The following CREBBP variants were observed in gnomAD, a reference collection of about 807,000 sequenced individuals.
CREBBP encodes CREB-binding protein.
CREBBP carries 19 observed loss-of-function variants against 265.0 expected under a neutral mutation model. The ratio of observed to expected loss-of-function variants is 0.07; its 90% CI spans 0.05 to 0.11. The LOEUF (loss-of-function observed/expected upper bound fraction) is 0.11. CREBBP is among the 10% of genes least tolerant of loss of function. The pLI, the probability that CREBBP is intolerant of heterozygous loss-of-function variation, is 1.00. For synonymous variants in CREBBP, 1,457 were observed against 1,223.7 expected, an observed-to-expected ratio of 1.19 and a Z score of -3.98; for missense variants, 2,525 against 3,219.0, an observed-to-expected ratio of 0.78 and a Z score of 5.22.
At chr16:3,849,439 GTGTGTGTGTGTGTGTGTGTGTGT>G (rs2054761447) in intron 2 of CREBBP, among the ~76,000 whole-genome samples, 1 of 17,240 alleles carries the variant, frequency 5.8e-5, no homozygotes. Context: ...GTGTGTGTGT[GTGTGTGTGTGTGTGTGTGTGTGT>G]GTGTGTGTGT....
chr16:3,827,414 C>T (rs2054258309), intron 2 of CREBBP, among the ~76,000 whole-genome samples: 1 of 152,116 alleles, frequency 6.6e-6, no homozygotes. Context: ...TTGACTGAGA[C>T]AGAGTCTCAC....
chr16:3,776,972 C>G (rs966754387), intron 11 of CREBBP, among the ~76,000 whole-genome samples: 48 of 134,606 alleles, frequency 3.6e-4, no homozygotes, highest in Middle Eastern at 0.011. Context: ...GAGCCCAGAT[C>G]GTGCCACTGC....
At chr16:3,870,168 TAGG>T (rs568145129) in intron 1 of CREBBP, among the ~76,000 whole-genome samples, 100 of 152,100 alleles carry the variant, frequency 6.6e-4, no homozygotes, top group Admixed American at 1.3e-4. Flanking sequence ...ACACCAAATC[TAGG>T]AGAACAGAAA....
Position 3,729,764 on chromosome 16 carries a change from T to C in CREBBP, c.5283A>G (p.Ser1761=), listed in dbSNP as rs976030153. 2 of 1,608,274 alleles carry C rather than the reference T, an allele frequency of 1.2e-6. No individual in the cohort carries two copies. The highest frequency in any genetic ancestry group is 8.5e-7 in the Non-Finnish European group (1 of 1,179,590). Residue 1761 remains serine (S), a synonymous_variant, in exon 31 of 31, where the codon TCA becomes TCG. Transcript: ENST00000262367. ...DEGSSQGEPQ[S]KSPQESRRLS... ...GCCGGCGTGACTCCTGGGGGCTCTT[T>C]GACTGTGGCTCGCCCTGGCTGCTGC... is the stretch of plus-strand genomic sequence containing the variant.
At chr16:3,818,188 G>A (rs1056373266) in intron 2 of CREBBP, among the ~76,000 whole-genome samples, 7 of 152,206 alleles carry the variant, frequency 4.6e-5, no homozygotes, top group African/African-American at 7.2e-5. Context: ...ATGGGGGGCC[G>A]GGGAGGAGGA....
chr16:3,808,119 G>T (rs1423939688), intron 3 of CREBBP, among the ~76,000 whole-genome samples: 2 of 150,760 alleles, frequency 1.3e-5, no homozygotes, highest in South Asian at 4.2e-4. Flanking sequence ...AGAAAGAGAG[G>T]GGGTGGGGAG....
At chr16:3,826,057 A>G (rs1441872383) in intron 2 of CREBBP, among the ~76,000 whole-genome samples, 1 of 152,190 alleles carries the variant, frequency 6.6e-6, no homozygotes, top group African/African-American at 2.4e-5. Flanking sequence ...CTCCATCTCT[A>G]CAAAAAACAG....
intron 27 of CREBBP, 128 bp downstream of exon 27, chr16:3,736,522 T>C: frequency 7.1e-7 from 1 of 1,402,574 alleles, no homozygotes; most frequent in African/African-American, 1.4e-5. Context: ...CTTTAGGCTT[T>C]TATTTTTCTG....
At chr16:3,788,103 A>G (rs1043864464) in intron 5 of CREBBP, among the ~76,000 whole-genome samples, 8 of 152,216 alleles carry the variant, frequency 5.3e-5, no homozygotes, top group Admixed American at 2.0e-4. Flanking sequence ...CAGCCGGGAC[A>G]GTGCGTGCAT....
chr16:3,778,846 C>CT lies in CREBBP; in HGVS notation c.1824-30dup, dbSNP rs370078227. The CT allele has an allele frequency of 5.6e-3, 8,204 of 1,469,210 alleles. 2 individuals carry two copies. Among genetic ancestry groups the CT allele is most frequent in the African/African-American group, 9.8e-3 (700 of 71,350 alleles). The allele number at this position is 1,469,210 out of a possible 1,614,324, so 91.0% of individuals were successfully genotyped here. ...AAAGGATAACACATCTATCAAACTA[C>CT]TTTTTTTTTTCTTCTTTTTTTTAAA... On this transcript the variant is annotated intron_variant, in intron 8 of 30. Coordinates refer to ENST00000262367, the MANE Select transcript of CREBBP (RefSeq NM_004380.3).
chr16:3,735,719 C>A (rs1412359969), intron 28 of CREBBP, among the ~76,000 whole-genome samples: 1 of 152,176 alleles, frequency 6.6e-6, no homozygotes, highest in Admixed American at 6.5e-5. Flanking sequence ...TAAGGCCTGG[C>A]AACCCTGTGC....
At chr16:3,746,164 G>A (rs1230952903) in intron 21 of CREBBP, among the ~76,000 whole-genome samples, 1 of 152,202 alleles carries the variant, frequency 6.6e-6, no homozygotes, top group African/African-American at 2.4e-5. Context: ...AGGGACTGGT[G>A]AGTAATGTGA....
intron 17 of CREBBP, 125 bp from the exon 18 acceptor site, chr16:3,758,173 G>T: frequency 1.0e-6 from 1 of 973,808 alleles, no homozygotes; most frequent in Non-Finnish European, 1.5e-6. Flanking sequence ...ATTCCCAACA[G>T]TAAGAAATAG....
intron 23 of CREBBP, chr16:3,741,738 G>C (rs188354624): frequency 6.6e-6 from 1 of 151,762 alleles, no homozygotes; most frequent in Admixed American, 6.6e-5. Context: ...TCAGGAGTTC[G>C]AGACCAGCCT....
At chr16:3,766,174 A>T (rs192607179) in intron 16 of CREBBP, among the ~76,000 whole-genome samples, 1 of 151,700 alleles carries the variant, frequency 6.6e-6, no homozygotes, top group South Asian at 2.1e-4. Flanking sequence ...AGATGGATCA[A>T]TGGATTCTAA....
intron 1 of CREBBP, among the ~76,000 whole-genome samples, chr16:3,857,701 T>C (rs1487732943): frequency 2.0e-5 from 3 of 152,192 alleles, no homozygotes; most frequent in Non-Finnish European, 4.4e-5. Flanking sequence ...GTGGGCACCC[T>C]GCACCCAGAG....
chr16:3,819,606 C>G (rs1230974790), intron 2 of CREBBP, among the ~76,000 whole-genome samples: 1 of 152,156 alleles, frequency 6.6e-6, no homozygotes, highest in Non-Finnish European at 1.5e-5. Context: ...AACACTGTGA[C>G]AACAACAATC....
rs138823476 is a variant in CREBBP, at chr16:3,767,809, T to C, written c.3161A>G (p.Glu1054Gly). The C allele has an allele frequency of 8.1e-6, 13 of 1,614,206 alleles. No homozygotes were observed. The highest frequency in any genetic ancestry group is 1.1e-5 in the Non-Finnish European group (13 of 1,180,014). The change falls in exon 16 of 31, where the codon GAA becomes GGA. Residue 1054 changes from glutamate (E) to glycine (G), a missense_variant. This residue lies in a region of CREBBP where 548 missense variants were observed against 533.0 expected (regional missense o/e 1.03). Coordinates refer to ENST00000262367, the MANE Select transcript of CREBBP (RefSeq NM_004380.3). ...TTCCTCTTTAACTTCTACTTTCACTTCAGGTTTCTTTTCATCCACTTCCAT... is the reference window on the plus strand; with the variant it reads ...TTCCTCTTTAACTTCTACTTTCACTCCAGGTTTCTTTTCATCCACTTCCAT... ...EPMEVDEKKP[E>G]VKVEVKEEEE...
chr16:3,870,541 A>T (rs2055272199), intron 1 of CREBBP, among the ~76,000 whole-genome samples: 1 of 152,238 alleles, frequency 6.6e-6, no homozygotes, highest in South Asian at 2.1e-4. Context: ...GTTGAACTGC[A>T]AACACAGACG....
Sources: allele counts gnomAD v4.1 joint callset (sites outside exome capture counted in the v4.1 genomes callset), GRCh38; gene constraint gnomAD v4.1.1; regional missense constraint gnomAD v4.1.1; transcripts MANE v1.5; gene names NCBI Gene and HGNC (gene_info 2026-07-23, HGNC 2026-07-21).